Variants in DLG2 observed in about 807,000 individuals in gnomAD.
DLG2 encodes disks large homolog 2.
In DLG2, 45 loss-of-function variants were observed where a neutral mutation model predicts 132.5. The observed-to-expected ratio is 0.34, with a 90% CI of 0.27 to 0.44. The LOEUF is 0.44. DLG2 is among the 20% of genes least tolerant of loss of function. The pLI, the probability that DLG2 is intolerant of heterozygous loss-of-function variation, is 1.00. For missense variants in DLG2, 1,045 were observed against 1,196.9 expected (o/e 0.87, Z 1.87); for synonymous variants, 424 against 419.6 (o/e 1.01, Z -0.13).
At chr11:84,772,762 C>G (rs2069651541) in intron 6 of DLG2, among the ~76,000 whole-genome samples, 1 of 152,006 alleles carries the variant, frequency 6.6e-6, no homozygotes, top group Admixed American at 6.6e-5. Context: ...AGCTGAGACA[C>G]AACATACCAA....
At chr11:84,816,473 G>A (rs1317967800) in intron 6 of DLG2, among the ~76,000 whole-genome samples, 2 of 151,584 alleles carry the variant, frequency 1.3e-5, no homozygotes, top group African/African-American at 2.4e-5. Context: ...ACATGGTCTC[G>A]GTGTTCTAAT....
At chr11:83,934,833 C>A (rs1270706219) in intron 14 of DLG2, among the ~76,000 whole-genome samples, 1 of 152,032 alleles carries the variant, frequency 6.6e-6, no homozygotes, top group Non-Finnish European at 1.5e-5. Flanking sequence ...TTCCTCAATG[C>A]AAGAATGTAT....
At chr11:84,382,297 C>T (rs1288462901) in intron 7 of DLG2, among the ~76,000 whole-genome samples, 5 of 152,042 alleles carry the variant, frequency 3.3e-5, no homozygotes, top group Non-Finnish European at 7.4e-5. Flanking sequence ...TGTCATCAAA[C>T]TAGTACCTTC....
intron 6 of DLG2, among the ~76,000 whole-genome samples, chr11:84,628,189 G>A (rs1322905811): frequency 6.6e-6 from 1 of 151,880 alleles, no homozygotes; most frequent in African/African-American, 2.4e-5. Context: ...CATAGCACCT[G>A]TAAAACACTT....
intron 19 of DLG2, among the ~76,000 whole-genome samples, chr11:83,595,781 T>C (rs943045075): frequency 2.6e-5 from 4 of 152,166 alleles, no homozygotes; most frequent in Non-Finnish European, 4.4e-5. Context: ...AAGAACGTAA[T>C]GAACAAAAAG....
At chr11:83,750,928 A>G (rs916365735) in intron 18 of DLG2, among the ~76,000 whole-genome samples, 3 of 152,202 alleles carry the variant, frequency 2.0e-5, no homozygotes, top group African/African-American at 7.2e-5. Flanking sequence ...CGTGTATCAG[A>G]TATTTTACTA....
chr11:84,806,537 C>T (rs935007381), intron 6 of DLG2, among the ~76,000 whole-genome samples: 8 of 152,172 alleles, frequency 5.3e-5, no homozygotes, highest in Middle Eastern at 3.4e-3. Context: ...ACAATATTTT[C>T]GACTGCTGAA....
chr11:85,308,725 C>G (rs1450901782), intron 3 of DLG2, among the ~76,000 whole-genome samples: 1 of 152,014 alleles, frequency 6.6e-6, no homozygotes, highest in African/African-American at 2.4e-5. Flanking sequence ...CCTTTCCTTC[C>G]ACGACTCTAA....
chr11:83,710,838 TA>T (rs757098204), intron 18 of DLG2, among the ~76,000 whole-genome samples: 2 of 152,076 alleles, frequency 1.3e-5, no homozygotes, highest in East Asian at 1.9e-4. Context: ...TACTCCAGAA[TA>T]AAAAAGGTAA....
At chr11:85,235,352 C>T (rs1441820353) in intron 4 of DLG2, among the ~76,000 whole-genome samples, 1 of 151,892 alleles carries the variant, frequency 6.6e-6, no homozygotes, top group African/African-American at 2.4e-5. Context: ...TGCCTATGTC[C>T]TTTCATCCAT....
chr11:84,062,450 G>C (rs1223960465), intron 10 of DLG2, among the ~76,000 whole-genome samples: 1 of 152,140 alleles, frequency 6.6e-6, no homozygotes, highest in Non-Finnish European at 1.5e-5. Flanking sequence ...GAAAGTTCTT[G>C]CTATTGAGTG....
At chr11:83,906,709 G>A (rs1170726283) in intron 15 of DLG2, among the ~76,000 whole-genome samples, 1 of 152,066 alleles carries the variant, frequency 6.6e-6, no homozygotes, top group Admixed American at 6.6e-5. Flanking sequence ...TCTCATCGAG[G>A]TTAAGAAACT....
At chr11:85,066,832 T>C (rs2065003044) in intron 6 of DLG2, among the ~76,000 whole-genome samples, 1 of 151,716 alleles carries the variant, frequency 6.6e-6, no homozygotes, top group Non-Finnish European at 1.5e-5. Flanking sequence ...ACAGACAACA[T>C]GGGGAAAAGT....
chr11:85,344,813 A>T (rs1466272910), intron 3 of DLG2, among the ~76,000 whole-genome samples: 2 of 152,054 alleles, frequency 1.3e-5, no homozygotes, highest in Non-Finnish European at 2.9e-5. Context: ...AATGTTTTTC[A>T]ATTCCTGCTT....
intron 17 of DLG2, among the ~76,000 whole-genome samples, chr11:83,831,003 A>G (rs1787584540): frequency 6.6e-6 from 1 of 152,242 alleles, no homozygotes; most frequent in Admixed American, 6.5e-5. Flanking sequence ...AGAATTTTAG[A>G]ATCAATCTTC....
At chr11:85,418,329 C>A (rs1455147991) in intron 3 of DLG2, among the ~76,000 whole-genome samples, 1 of 152,092 alleles carries the variant, frequency 6.6e-6, no homozygotes, top group East Asian at 1.9e-4. Context: ...GATTTCCATT[C>A]TTTTGCATTT....
At chr11:84,269,668 G>A (rs947978873) in intron 7 of DLG2, among the ~76,000 whole-genome samples, 1 of 152,200 alleles carries the variant, frequency 6.6e-6, no homozygotes, top group South Asian at 2.1e-4. Flanking sequence ...ATTAGGGTCA[G>A]AATAAGTTTT....
At chr11:83,585,452 AT>A (rs1427438541) in intron 19 of DLG2, among the ~76,000 whole-genome samples, 2 of 152,082 alleles carry the variant, frequency 1.3e-5, no homozygotes, top group Non-Finnish European at 1.5e-5. Flanking sequence ...ACTTTCTGAG[AT>A]TTTCCCCCTA....
intron 7 of DLG2, among the ~76,000 whole-genome samples, chr11:84,503,849 T>G (rs1157269862): frequency 6.6e-6 from 1 of 152,240 alleles, no homozygotes; most frequent in African/African-American, 2.4e-5. Context: ...ATAACAGATT[T>G]GAATGACGAC....
Sources: gnomAD v4.1 joint callset for allele counts (sites outside exome capture counted in the v4.1 genomes callset) on GRCh38, gnomAD v4.1.1 for gene constraint, MANE v1.5 for transcripts, NCBI Gene and HGNC (gene_info 2026-07-23, HGNC 2026-07-21) for gene names.